ABLIM2: variants seen among roughly 807,000 people sequenced by gnomAD.
ABLIM2 encodes the protein actin binding LIM protein family member 2.
ABLIM2 carries 53 observed loss-of-function variants against 97.7 expected under a neutral mutation model. The observed-to-expected ratio is 0.54, with a 90% confidence interval of 0.44 to 0.68. The LOEUF is 0.68. Among genes scored for constraint, ABLIM2 ranks in the 30% least tolerant of loss-of-function variants. The probability of loss-of-function intolerance (pLI) is 0.00; values close to 1 mark genes in which losing one functional copy is unlikely to be tolerated. For missense variants in ABLIM2, 835 were observed against 867.2 expected, an observed-to-expected ratio of 0.96 and a Z score of 0.47; for synonymous variants, 361 against 345.8, an observed-to-expected ratio of 1.04 and a Z score of -0.49.
chr4:7,993,031 G>T, intron 16 of ABLIM2, 104 bp from the exon 17 acceptor site: 1 of 1,200,540 alleles, frequency 8.3e-7, no homozygotes, highest in Non-Finnish European at 1.2e-6. Flanking sequence ...GGCTGGGCAA[G>T]CAACACAGGG....
chr4:8,080,932 C>CGAGTGT, intron 4 of ABLIM2, 130 bp from the exon 5 acceptor site: 1 of 1,175,006 alleles, frequency 8.5e-7, no homozygotes. Flanking sequence ...GCAGCCACAG[C>CGAGTGT]GAGTGTGCTT....
intron 9 of ABLIM2, among the ~76,000 whole-genome samples, chr4:8,037,657 C>T (rs1198965071): frequency 6.6e-6 from 1 of 152,106 alleles, no homozygotes; most frequent in East Asian, 1.9e-4. Flanking sequence ...CCCACCCCTA[C>T]CAAGCAAGTT....
rs200311958 is a variant in ABLIM2 at position 8,080,809 on chromosome 4, G to A, written c.455-7C>T. On this transcript the variant is annotated splice_region_variant and splice_polypyrimidine_tract_variant and intron_variant, in intron 4 of 20. Coordinates refer to ENST00000447017, the MANE Select transcript of ABLIM2 (RefSeq NM_001130083.2). ...GTGCCGCAGCCCCCACAACCTGGAA[G>A]AAAGAGAAGAGAACACAGACACCCC... 16 of 1,602,606 alleles carry A rather than the reference G, an allele frequency of 1.0e-5. No individual in the cohort carries two copies. The highest frequency in any genetic ancestry group is 1.4e-5 in the Non-Finnish European group (16 of 1,173,002).
intron 10 of ABLIM2, among the ~76,000 whole-genome samples, chr4:8,035,520 C>A (rs925955307): frequency 1.3e-5 from 2 of 152,238 alleles, no homozygotes; most frequent in African/African-American, 4.8e-5. Flanking sequence ...GCAACGCCTC[C>A]TCCTACCTCA....
chr4:7,991,985 G>A (rs1396667588), intron 17 of ABLIM2, among the ~76,000 whole-genome samples: 1 of 152,304 alleles, frequency 6.6e-6, no homozygotes, highest in East Asian at 1.9e-4. Flanking sequence ...TTTTTTAGTG[G>A]CCTCGGTTGA....
intron 5 of ABLIM2, 35 bp from the exon 6 acceptor site, chr4:8,077,756 G>A: frequency 6.4e-7 from 1 of 1,567,768 alleles, no homozygotes; most frequent in South Asian, 1.2e-5. Flanking sequence ...CAGGGCGGGT[G>A]TCGCCCGAGG....
rs1841187426 is a variant in ABLIM2, at chr4:8,113,152, T to A, written c.11-6515A>T. On this transcript the variant is annotated intron_variant, in intron 1 of 20. Coordinates refer to ENST00000447017, the MANE Select transcript of ABLIM2 (RefSeq NM_001130083.2). This position sits in a 1 kb window ranked among gnomAD's most constrained non-coding sequence, Gnocchi z 4.5. ...CTCTGTCAACCAGGCTGGAGTGCAG[T>A]GGCGCAGTCTCAGCTCACTGCAGCC... Among the ~76,000 whole-genome samples, 1 of 152,214 alleles carries A rather than the reference T, an allele frequency of 6.6e-6. No individual in the cohort carries two copies. Among genetic ancestry groups the A allele is most frequent in the Non-Finnish European group, 1.5e-5 (1 of 68,038 alleles).
chr4:8,053,546 CT>C (rs1024070397), intron 8 of ABLIM2, among the ~76,000 whole-genome samples: 3 of 152,184 alleles, frequency 2.0e-5, no homozygotes, highest in Admixed American at 6.5e-5. Flanking sequence ...TTTGGGCCCC[CT>C]AACACTGTAG....
chr4:8,145,614 G>C (rs892763039), intron 1 of ABLIM2, among the ~76,000 whole-genome samples: 1 of 152,140 alleles, frequency 6.6e-6, no homozygotes, highest in Non-Finnish European at 1.5e-5. Flanking sequence ...CTGGGTGCTA[G>C]CATTCCAGCT....
Position 7,998,305 on chromosome 4 carries a change from T to C in ABLIM2, c.1619-5378A>G, listed in dbSNP as rs1453609183. Among the ~76,000 whole-genome samples, 1 of 152,200 alleles carries C rather than the reference T, an allele frequency of 6.6e-6. No homozygotes were observed. Among genetic ancestry groups the C allele is most frequent in the East Asian group, 1.9e-4 (1 of 5,196 alleles). On this transcript the variant is annotated intron_variant, in intron 16 of 20. Coordinates refer to ENST00000447017, the MANE Select transcript of ABLIM2 (RefSeq NM_001130083.2). The surrounding 1 kb of genome is among the most constrained non-coding windows in gnomAD (Gnocchi z 6.4). ...GTTAGAAGACTGATCTTGTTAAGTG[T>C]TAAATCCTCTATTTGAGCAGGCTGT...
chr4:7,976,938 CACAT>C (rs1237091718), intron 20 of ABLIM2, among the ~76,000 whole-genome samples: 5 of 152,086 alleles, frequency 3.3e-5, no homozygotes, highest in South Asian at 2.1e-4. Flanking sequence ...CACACATATC[CACAT>C]ACATACATAC....
intron 10 of ABLIM2, among the ~76,000 whole-genome samples, chr4:8,031,933 G>A (rs1781196951): frequency 6.6e-6 from 1 of 151,936 alleles, no homozygotes; most frequent in Non-Finnish European, 1.5e-5. Context: ...CTATGTTTTG[G>A]CCAGGCTGGT....
intron 1 of ABLIM2, among the ~76,000 whole-genome samples, chr4:8,158,114 C>A (rs891493907): frequency 6.6e-6 from 1 of 152,222 alleles, no homozygotes; most frequent in African/African-American, 2.4e-5. Flanking sequence ...GGGCGAGGGG[C>A]TGGAGACGCG....
rs1289285895 is a variant in ABLIM2, at chr4:8,033,405, T to C, written c.1047+2744A>G. Reference sequence around the variant, plus strand: ...ACGGGCCCTGTGAAGCCCTGTGCCATGGGAGGTGGGAAGCTGAAGGCCATG... The same window carrying C: ...ACGGGCCCTGTGAAGCCCTGTGCCACGGGAGGTGGGAAGCTGAAGGCCATG... On this transcript the variant is annotated intron_variant, in intron 10 of 20. Transcript: ENST00000447017. This position sits in a 1 kb window ranked among gnomAD's most constrained non-coding sequence, Gnocchi z 4.5. Among the ~76,000 whole-genome samples, 1 of 152,082 alleles carries C rather than the reference T, an allele frequency of 6.6e-6. No individual in the cohort carries two copies. Among genetic ancestry groups the C allele is most frequent in the Non-Finnish European group, 1.5e-5 (1 of 67,990 alleles).
chr4:8,106,384 T>G (rs1051866855), intron 2 of ABLIM2, 110 bp downstream of exon 2: 1 of 1,427,532 alleles, frequency 7.0e-7, no homozygotes, highest in African/African-American at 1.4e-5. Flanking sequence ...TGGAGTGTTC[T>G]CCAGTATCCC....
intron 2 of ABLIM2, among the ~76,000 whole-genome samples, chr4:8,104,019 T>C (rs2152730526): frequency 6.6e-6 from 1 of 152,334 alleles, no homozygotes. Flanking sequence ...CACGATGCCC[T>C]GGAAAGCCCT....
At chr4:8,119,324 CTTTTTTTTT>C (rs71175466) in intron 1 of ABLIM2, among the ~76,000 whole-genome samples, 1 of 108,138 alleles carries the variant, frequency 9.2e-6, no homozygotes, top group Non-Finnish European at 1.8e-5. Flanking sequence ...GGGCTTCCTT[CTTTTTTTTT>C]TTTTTTTTTT....
At chr4:8,119,024 C>G (rs922760987) in intron 1 of ABLIM2, among the ~76,000 whole-genome samples, 3 of 152,186 alleles carry the variant, frequency 2.0e-5, no homozygotes, top group African/African-American at 7.2e-5. Context: ...GGGCACCTCT[C>G]TGAAACAGGA....
chr4:8,020,508 T>C, intron 12 of ABLIM2: 1 of 658,142 alleles, frequency 1.5e-6, no homozygotes, highest in Middle Eastern at 2.4e-4. Flanking sequence ...AACCCTGAGT[T>C]GAAGTCTGTC....
Sources: allele counts gnomAD v4.1 joint callset (sites outside exome capture counted in the v4.1 genomes callset), GRCh38; gene constraint gnomAD v4.1.1; non-coding constraint Gnocchi (gnomAD v3.1); transcripts MANE v1.5; gene names NCBI Gene and HGNC (gene_info 2026-07-23, HGNC 2026-07-21).